Variants in UBA6 observed in about 807,000 individuals in gnomAD.
UBA6 encodes ubiquitin like modifier activating enzyme 6.
In UBA6, 87 loss-of-function variants were observed where a neutral mutation model predicts 148.3. The observed-to-expected ratio is 0.59, with a 90% CI of 0.49 to 0.70. The LOEUF (loss-of-function observed/expected upper bound fraction) is 0.70, where lower values mean the gene tolerates loss of function less well. Among genes scored for constraint, UBA6 ranks in the 30% least tolerant of loss-of-function variants. The pLI, the probability that UBA6 is intolerant of heterozygous loss-of-function variation, is 0.00. For synonymous variants in UBA6, 376 were observed against 401.0 expected (o/e 0.94, Z 0.75); for missense variants, 1,186 against 1,241.2 (o/e 0.96, Z 0.67).
intron 2 of UBA6, among the ~76,000 whole-genome samples, chr4:67,695,790 A>G (rs1730818337): frequency 6.6e-6 from 1 of 152,192 alleles, no homozygotes; most frequent in Non-Finnish European, 1.5e-5. Context: ...TTAGTCTTCT[A>G]TCTCTTTTCC....
At chr4:67,698,350 T>C (rs1406848140) in intron 1 of UBA6, among the ~76,000 whole-genome samples, 1 of 152,222 alleles carries the variant, frequency 6.6e-6, no homozygotes, top group East Asian at 1.9e-4. Context: ...AACTCACTAC[T>C]GTATTCCAAA....
In UBA6 at chr4:67,613,961, C is replaced by T. The variant is rs890947204; in HGVS notation, c.*5036G>A. On this transcript the variant is annotated 3_prime_UTR_variant, in exon 33 of 33. Coordinates refer to ENST00000322244, the MANE Select transcript of UBA6 (RefSeq NM_018227.6). ...TATAAAGAATCCCCTTTCCCCTTTACCCATTTTTTTTTTGTCCTTCCTTCC... is the reference window on the plus strand; with the variant it reads ...TATAAAGAATCCCCTTTCCCCTTTATCCATTTTTTTTTTGTCCTTCCTTCC... The T allele has an allele frequency of 6.6e-6, 1 of 151,834 alleles. No homozygotes were observed. Among genetic ancestry groups the T allele is most frequent in the African/African-American group, 2.4e-5 (1 of 41,240 alleles). The allele number at this position is 151,834 out of a possible 1,614,324, so 9.4% of individuals were successfully genotyped here.
intron 9 of UBA6, among the ~76,000 whole-genome samples, chr4:67,667,963 T>G (rs1730049493): frequency 6.6e-6 from 1 of 152,138 alleles, no homozygotes; most frequent in Non-Finnish European, 1.5e-5. Flanking sequence ...CCAACCAACA[T>G]CTAGACATCT....
At chr4:67,691,284 T>C (rs1730687650) in intron 2 of UBA6, among the ~76,000 whole-genome samples, 1 of 127,570 alleles carries the variant, frequency 7.8e-6, no homozygotes, top group African/African-American at 2.9e-5. Context: ...AAGTTAAAAT[T>C]TATCAAAACT....
intron 25 of UBA6, among the ~76,000 whole-genome samples, chr4:67,630,857 A>G (rs528578100): frequency 9.1e-4 from 139 of 152,324 alleles, no homozygotes; most frequent in African/African-American, 3.1e-3. Flanking sequence ...TTAAGTCATA[A>G]GAAATATTAT....
intron 23 of UBA6, among the ~76,000 whole-genome samples, chr4:67,632,198 T>C (rs1282535133): frequency 3.9e-5 from 6 of 152,200 alleles, no homozygotes; most frequent in African/African-American, 1.4e-4. Flanking sequence ...TTCACTCCTT[T>C]TTATATAAAT....
chr4:67,635,304 A>G, intron 20 of UBA6, 149 bp downstream of exon 20: 1 of 481,382 alleles, frequency 2.1e-6, no homozygotes, highest in Non-Finnish European at 3.7e-6. Flanking sequence ...AAGTTCAATT[A>G]TATTTTAAAA....
chr4:67,681,828 A>G (rs965842693), intron 3 of UBA6, among the ~76,000 whole-genome samples: 1 of 152,304 alleles, frequency 6.6e-6, no homozygotes, highest in African/African-American at 2.4e-5. Context: ...ATTCTTCCAG[A>G]TATGTTTTTA....
intron 16 of UBA6, among the ~76,000 whole-genome samples, chr4:67,645,616 A>G (rs1053839406): frequency 1.3e-5 from 2 of 152,072 alleles, no homozygotes; most frequent in African/African-American, 4.8e-5. Flanking sequence ...AAAAAGAAAT[A>G]CAGAATACAC....
intron 28 of UBA6, among the ~76,000 whole-genome samples, chr4:67,625,780 G>A (rs1191050605): frequency 6.6e-6 from 1 of 151,856 alleles, no homozygotes; most frequent in Non-Finnish European, 1.5e-5. Context: ...AAGACGGTGA[G>A]CAGGTCAAAA....
rs186813593 is a variant in UBA6 at position 67,632,099 on chromosome 4, C to T, written c.2143-191G>A. 5.7e-3 allele frequency among the ~76,000 whole-genome samples: 870 copies of T among 152,284 alleles called. 9 individuals are homozygous for T. Among genetic ancestry groups the T allele is most frequent in the South Asian group, 0.016 (77 of 4,818 alleles). On this transcript the variant is annotated intron_variant, in intron 23 of 32. Coordinates refer to ENST00000322244, the MANE Select transcript of UBA6 (RefSeq NM_018227.6). The stretch of plus-strand genomic sequence containing the variant: ...TCTGTCCATTCTCCTGTCAATGTCC[C>T]TCATAAATGAAAAATTCAAATATCA...
In UBA6 at chr4:67,636,143, T is replaced by C. The variant is rs1201215290; in HGVS notation, c.1737-585A>G. Among the ~76,000 whole-genome samples the C allele has an allele frequency of 1.1e-4, 16 of 152,166 alleles. No homozygotes were observed. In the East Asian group the frequency reaches 2.9e-3, roughly 27 times the overall value. Reference sequence around the variant, plus strand: ...CATTCATCTACTTATTTAAGGAATATTTACTAAATGACATCATATGTTGGG... The same window carrying C: ...CATTCATCTACTTATTTAAGGAATACTTACTAAATGACATCATATGTTGGG... On this transcript the variant is annotated intron_variant, in intron 19 of 32. Transcript: ENST00000322244.
rs1198666993 is a variant in UBA6, at chr4:67,662,222, T to C, written c.1071A>G (p.Leu357=). The C allele has an allele frequency of 6.2e-7, 1 of 1,613,694 alleles. No homozygotes were observed. The highest frequency in any genetic ancestry group is 2.2e-5 in the East Asian group (1 of 44,772). Residue 357 remains leucine, a synonymous_variant, in exon 13 of 33, where the codon CTA becomes CTG. Transcript: ENST00000322244. ...CQQDSEELLK[L]ATSISETLEE... ...CCAAGGTTTCACTTATAGATGTTGCTAGTTTCAACAGTTCTTCTGAATCTT... is the reference window on the plus strand; with the variant it reads ...CCAAGGTTTCACTTATAGATGTTGCCAGTTTCAACAGTTCTTCTGAATCTT...
chr4:67,675,666 G>C (rs1471644130), intron 6 of UBA6, among the ~76,000 whole-genome samples: 2 of 152,042 alleles, frequency 1.3e-5, no homozygotes, highest in African/African-American at 2.4e-5. Flanking sequence ...AGGAGGCAGA[G>C]GTTGCAGTGA....
intron 7 of UBA6, among the ~76,000 whole-genome samples, chr4:67,670,833 T>C (rs1177753390): frequency 1.5e-5 from 2 of 134,178 alleles, no homozygotes; most frequent in Non-Finnish European, 3.4e-5. Context: ...ATATCATCTT[T>C]ATAAATTTTT....
chr4:67,670,403 T>C, intron 8 of UBA6, 67 bp downstream of exon 8: 9 of 1,417,038 alleles, frequency 6.4e-6, no homozygotes, highest in Non-Finnish European at 8.8e-6. Context: ...GATACCACCT[T>C]TCTGAAAACA....
intron 16 of UBA6, among the ~76,000 whole-genome samples, chr4:67,645,098 A>G (rs192157446): frequency 9.7e-4 from 147 of 152,322 alleles, no homozygotes; most frequent in African/African-American, 3.3e-3. Context: ...TAAGACTTCT[A>G]CTATTATCTA....
At chr4:67,626,111 A>G (rs1444156459) in intron 28 of UBA6, among the ~76,000 whole-genome samples, 1 of 151,964 alleles carries the variant, frequency 6.6e-6, no homozygotes. Context: ...AATCAGAAAA[A>G]CAACAACAAT....
chr4:67,623,131 TCACTTTGACTG>T lies in UBA6; in HGVS notation c.2921_2928+3del. ...AATGAACTAAATGAACAAAAGTATC[TCACTTTGACTG>T]CATTTATGAAATCCAAGAGGGTGAA... is the stretch of plus-strand genomic sequence containing the variant. On this transcript the variant is annotated splice_donor_variant and splice_donor_region_variant and coding_sequence_variant and intron_variant, in exon 31 of 33. Coordinates refer to ENST00000322244, the MANE Select transcript of UBA6 (RefSeq NM_018227.6). LOFTEE classifies it high-confidence loss of function. 1.9e-6 allele frequency: 3 copies of T among 1,604,876 alleles called. No homozygotes were observed. Among genetic ancestry groups the T allele is most frequent in the Non-Finnish European group, 1.7e-6 (2 of 1,173,710 alleles).
Sources: gnomAD v4.1 joint callset for allele counts (sites outside exome capture counted in the v4.1 genomes callset) on GRCh38, gnomAD v4.1.1 for gene constraint, MANE v1.5 for transcripts, NCBI Gene and HGNC (gene_info 2026-07-23, HGNC 2026-07-21) for gene names.